The following CNNM1 variants were observed in gnomAD, a reference collection of about 807,000 sequenced individuals.
The protein encoded by CNNM1 is metal transporter CNNM1.
Under a neutral mutation model 78.8 loss-of-function variants are expected in CNNM1, and 44 were observed. That is an observed-to-expected ratio of 0.56 (90% CI 0.44 to 0.72). The LOEUF (loss-of-function observed/expected upper bound fraction) is 0.72. CNNM1 is among the 30% of genes least tolerant of loss of function. The pLI is 0.00. For missense variants in CNNM1, 1,101 were observed against 1,292.2 expected, an observed-to-expected ratio of 0.85 and a Z score of 2.27; for synonymous variants, 584 against 581.5, an observed-to-expected ratio of 1.00 and a Z score of -0.06.
chr10:99,361,761 T>C (rs1445238142), intron 3 of CNNM1, among the ~76,000 whole-genome samples: 1 of 152,248 alleles, frequency 6.6e-6, no homozygotes, highest in African/African-American at 2.4e-5. Flanking sequence ...CCTCACATTA[T>C]TGACAACTTA....
chr10:99,357,671 T>A lies in CNNM1; in HGVS notation c.1717+16T>A, dbSNP rs374893661. On this transcript the variant is annotated intron_variant, in intron 2 of 10. Coordinates refer to ENST00000356713, the MANE Select transcript of CNNM1 (RefSeq NM_020348.3). The stretch of plus-strand genomic sequence containing the variant: ...GATCTCTACAGTAAGTGCACGGCCT[T>A]GGCTGTTCTCCAGGGTCATCTTATT... The A allele has an allele frequency of 1.9e-6, 3 of 1,584,458 alleles. No individual in the cohort carries two copies. The African/African-American group carries it at 4.0e-5, about 21-fold the overall frequency.
At chr10:99,363,580 A>G (rs1410433465) in intron 4 of CNNM1, among the ~76,000 whole-genome samples, 1 of 152,116 alleles carries the variant, frequency 6.6e-6, no homozygotes, top group Non-Finnish European at 1.5e-5. Context: ...AATCAGGGAT[A>G]AAAATGGCAT....
chr10:99,391,301 G>A (rs2032465019), intron 10 of CNNM1, 136 bp from the exon 11 acceptor site: 3 of 640,250 alleles, frequency 4.7e-6, no homozygotes, highest in Non-Finnish European at 8.4e-6. Context: ...AGCATACAAT[G>A]CCGGTTAGTT....
chr10:99,331,280 G>T (rs1257656786), intron 1 of CNNM1, among the ~76,000 whole-genome samples: 2 of 152,166 alleles, frequency 1.3e-5, no homozygotes, highest in East Asian at 3.8e-4. Context: ...GCCCTTGAAG[G>T]TCATTGCATA....
chr10:99,376,999 C>CAAAA, intron 6 of CNNM1, 56 bp from the exon 7 acceptor site: 1 of 1,305,064 alleles, frequency 7.7e-7, no homozygotes, highest in Non-Finnish European at 1.1e-6. Context: ...CTCCCTCCCC[C>CAAAA]TTCTTCCTCC....
intron 1 of CNNM1, among the ~76,000 whole-genome samples, chr10:99,338,507 G>T (rs1564938454): frequency 6.6e-6 from 1 of 152,052 alleles, no homozygotes; most frequent in Non-Finnish European, 1.5e-5. Flanking sequence ...TCGAACTCCT[G>T]AGCTCAGGCA....
In CNNM1 at chr10:99,388,023, G is replaced by C. The variant is rs774650532; in HGVS notation, c.2524+20G>C. On this transcript the variant is annotated intron_variant, in intron 8 of 10. Coordinates refer to ENST00000356713, the MANE Select transcript of CNNM1 (RefSeq NM_020348.3). ...TGCCGTGTAAGTCAGCTGGGCAGAC[G>C]GGCAGGCTGGGCTGGTGTGGGGTGA... is the stretch of plus-strand genomic sequence containing the variant. 4 of 1,577,246 alleles carry C rather than the reference G, an allele frequency of 2.5e-6. No homozygotes were observed. In the East Asian group the frequency reaches 9.0e-5, roughly 35 times the overall value.
chr10:99,361,842 T>TA (rs1443689755), intron 3 of CNNM1, among the ~76,000 whole-genome samples: 1 of 152,230 alleles, frequency 6.6e-6, no homozygotes, highest in Non-Finnish European at 1.5e-5. Flanking sequence ...GTCATACAAA[T>TA]AAGCCAGATT....
At chr10:99,358,466 C>T (rs2031301279) in intron 2 of CNNM1, among the ~76,000 whole-genome samples, 1 of 152,210 alleles carries the variant, frequency 6.6e-6, no homozygotes, top group Non-Finnish European at 1.5e-5. Context: ...CCATCCTTTT[C>T]TTCCTTGCAG....
Position 99,329,837 on chromosome 10 carries a change from T to G in CNNM1, c.450T>G (p.Arg150=). ...ASDVEVLGPL[R]PGGVAGSALV... ...ACGTGGAAGTCCTGGGGCCCTTGCG[T>G]CCCGGGGGCGTGGCAGGCTCGGCCC... The change falls in exon 1 of 11, where the codon CGT becomes CGG. Residue 150 remains arginine (R), a synonymous_variant. Transcript: ENST00000356713. The G allele has an allele frequency of 7.0e-7, 1 of 1,421,578 alleles. No homozygotes were observed. Among genetic ancestry groups the G allele is most frequent in the Non-Finnish European group, 9.1e-7 (1 of 1,093,256 alleles). 88.1% of individuals were successfully genotyped at this position (1,421,578 alleles called of 1,614,324 possible). A position where few individuals can be genotyped will look rare whatever the true frequency, so the allele number is the denominator to read the frequency against.
At chr10:99,333,533 C>T (rs1340208466) in intron 1 of CNNM1, among the ~76,000 whole-genome samples, 2 of 152,220 alleles carry the variant, frequency 1.3e-5, no homozygotes, top group South Asian at 2.1e-4. Context: ...TTAGTAGAGA[C>T]AGGGTTTCAC....
At chr10:99,386,814 C>T (rs193262345) in intron 7 of CNNM1, among the ~76,000 whole-genome samples, 28 of 152,252 alleles carry the variant, frequency 1.8e-4, no homozygotes, top group Non-Finnish European at 3.4e-4. Context: ...TCTCTTTCAA[C>T]GTGTAATACC....
chr10:99,362,209 C>A lies in CNNM1; in HGVS notation c.1859-18C>A. Reference sequence around the variant, plus strand: ...ACAGCTGATGCTGATTCCTCCCTTCCCACTCACTCTCCTCTAGAAGTGGAG... The same window carrying A: ...ACAGCTGATGCTGATTCCTCCCTTCACACTCACTCTCCTCTAGAAGTGGAG... On this transcript the variant is annotated intron_variant, in intron 3 of 10. Transcript: ENST00000356713. 1 of 1,591,272 alleles carries A rather than the reference C, an allele frequency of 6.3e-7. No homozygotes were observed. Among genetic ancestry groups the A allele is most frequent in the Non-Finnish European group, 8.5e-7 (1 of 1,169,922 alleles).
chr10:99,380,714 C>T (rs2032116767), intron 7 of CNNM1, among the ~76,000 whole-genome samples: 1 of 151,842 alleles, frequency 6.6e-6, no homozygotes, highest in Admixed American at 6.6e-5. Flanking sequence ...TCACTTGAAC[C>T]TGGGAGGCGG....
chr10:99,343,533 G>A (rs1439238114), intron 1 of CNNM1, among the ~76,000 whole-genome samples: 2 of 152,044 alleles, frequency 1.3e-5, no homozygotes, highest in East Asian at 3.9e-4. Context: ...CCTGCTCAAT[G>A]TTAGTGACAG....
intron 1 of CNNM1, among the ~76,000 whole-genome samples, chr10:99,341,687 A>G (rs2030465571): frequency 6.6e-6 from 1 of 152,180 alleles, no homozygotes. Context: ...AGAAAGGCAG[A>G]GAGGGAGCCG....
chr10:99,366,262 T>C (rs905044018), intron 6 of CNNM1, among the ~76,000 whole-genome samples: 8 of 152,106 alleles, frequency 5.3e-5, no homozygotes, highest in African/African-American at 1.9e-4. Flanking sequence ...GAACTCTGGA[T>C]GGGTGAGGGA....
At chr10:99,334,254 G>A (rs988043190) in intron 1 of CNNM1, among the ~76,000 whole-genome samples, 2 of 152,204 alleles carry the variant, frequency 1.3e-5, no homozygotes. Context: ...ATGTTCTCAG[G>A]CTGCAAGCCA....
chr10:99,354,082 T>C (rs2031041567), intron 1 of CNNM1, among the ~76,000 whole-genome samples: 1 of 152,226 alleles, frequency 6.6e-6, no homozygotes, highest in East Asian at 1.9e-4. Flanking sequence ...TATCCAATTA[T>C]AGGAAGCAAT....
Sources: gnomAD v4.1 joint callset for allele counts (sites outside exome capture counted in the v4.1 genomes callset) on GRCh38, gnomAD v4.1.1 for gene constraint, MANE v1.5 for transcripts, NCBI Gene and HGNC (gene_info 2026-07-23, HGNC 2026-07-21) for gene names.